Variants in KCNH1 observed in about 807,000 individuals in gnomAD.
KCNH1 encodes the protein potassium voltage-gated channel subfamily H member 1.
Under a neutral mutation model 69.2 loss-of-function variants are expected in KCNH1, and 27 were observed. The observed-to-expected ratio is 0.39, with a 90% confidence interval of 0.29 to 0.54. KCNH1 has a LOEUF of 0.54. Ranked by LOEUF, KCNH1 falls within the 20% of genes least tolerant of loss-of-function variation. The probability of loss-of-function intolerance (pLI) is 0.68; values close to 1 mark genes in which losing one functional copy is unlikely to be tolerated. For missense variants in KCNH1, 798 were observed against 1,261.6 expected, an observed-to-expected ratio of 0.63 and a Z score of 5.57; for synonymous variants, 456 against 487.7, an observed-to-expected ratio of 0.93 and a Z score of 0.86.
At chr1:210,793,955 T>C (rs1247333585) in intron 9 of KCNH1, among the ~76,000 whole-genome samples, 1 of 152,214 alleles carries the variant, frequency 6.6e-6, no homozygotes, top group African/African-American at 2.4e-5. Flanking sequence ...TTTGGTCCAC[T>C]GCTATATCCC....
chr1:210,984,427 T>A (rs1294971297), intron 6 of KCNH1, among the ~76,000 whole-genome samples: 1 of 152,226 alleles, frequency 6.6e-6, no homozygotes, highest in East Asian at 1.9e-4. Context: ...AGATAGCTCT[T>A]ATTATTTTGA....
At chr1:211,063,802 TA>T (rs1558588527) in intron 5 of KCNH1, 2 of 151,234 alleles carry the variant, frequency 1.3e-5, no homozygotes, top group African/African-American at 4.9e-5. Flanking sequence ...ATAGGAAGAA[TA>T]GATCCACTAT....
At chr1:211,023,807 A>T (rs988132754) in intron 5 of KCNH1, among the ~76,000 whole-genome samples, 1 of 152,166 alleles carries the variant, frequency 6.6e-6, no homozygotes, top group African/African-American at 2.4e-5. Context: ...TACACCCAAA[A>T]CATGCACATC....
intron 10 of KCNH1, among the ~76,000 whole-genome samples, chr1:210,725,542 G>A (rs1187083664): frequency 2.0e-5 from 3 of 152,148 alleles, no homozygotes; most frequent in African/African-American, 7.2e-5. Context: ...CTGGGGGTAG[G>A]GGGTGATCAG....
chr1:210,769,762 G>A (rs902413918), intron 10 of KCNH1, among the ~76,000 whole-genome samples: 1 of 152,132 alleles, frequency 6.6e-6, no homozygotes, highest in Admixed American at 6.5e-5. Context: ...CTAGGACCTG[G>A]GGAGTGAAAC....
intron 7 of KCNH1, among the ~76,000 whole-genome samples, chr1:210,887,505 G>T (rs1311869166): frequency 6.6e-6 from 1 of 151,998 alleles, no homozygotes; most frequent in Non-Finnish European, 1.5e-5. Context: ...AAAATAACCA[G>T]CTAGCATTAT....
At chr1:210,979,173 G>T (rs1688668002) in intron 6 of KCNH1, among the ~76,000 whole-genome samples, 1 of 152,142 alleles carries the variant, frequency 6.6e-6, no homozygotes, top group African/African-American at 2.4e-5. Flanking sequence ...AGTCCTCATA[G>T]CCTGCCTTGC....
intron 5 of KCNH1, among the ~76,000 whole-genome samples, chr1:211,052,282 T>C (rs943862715): frequency 5.3e-5 from 8 of 152,224 alleles, no homozygotes; most frequent in African/African-American, 1.7e-4. Flanking sequence ...AGGAAGGCCA[T>C]GCACTGGTTC....
chr1:211,102,319 C>A (rs550977834), intron 3 of KCNH1, among the ~76,000 whole-genome samples: 1 of 152,270 alleles, frequency 6.6e-6, no homozygotes, highest in African/African-American at 2.4e-5. Context: ...GAGAAAGCCA[C>A]GGTTGGTATG....
At chr1:210,859,087 T>G (rs1685918515) in intron 7 of KCNH1, 2 of 811,358 alleles carry the variant, frequency 2.5e-6, no homozygotes, top group Admixed American at 1.9e-5. Context: ...TAGTTTAGAA[T>G]AGATAACATG....
chr1:210,996,186 A>T (rs886579044), intron 6 of KCNH1, among the ~76,000 whole-genome samples: 1 of 152,204 alleles, frequency 6.6e-6, no homozygotes, highest in African/African-American at 2.4e-5. Context: ...AGGGTGAGGC[A>T]TCGCCTCACT....
intron 7 of KCNH1, among the ~76,000 whole-genome samples, chr1:210,851,633 A>T (rs576212715): frequency 6.6e-6 from 1 of 152,230 alleles, no homozygotes; most frequent in African/African-American, 2.4e-5. Context: ...TGAGCATCAT[A>T]GAGTATACTC....
At chr1:211,048,671 C>A (rs1016247588) in intron 5 of KCNH1, among the ~76,000 whole-genome samples, 1 of 152,052 alleles carries the variant, frequency 6.6e-6, no homozygotes, top group African/African-American at 2.4e-5. Context: ...GAGAATGATA[C>A]ATTGGACTTT....
At chr1:210,700,838 C>T (rs984084192) in intron 10 of KCNH1, among the ~76,000 whole-genome samples, 4 of 152,152 alleles carry the variant, frequency 2.6e-5, no homozygotes, top group African/African-American at 9.7e-5. Context: ...GTCTTTTAAT[C>T]ATTTTTTATG....
chr1:210,894,190 C>T (rs940195745), intron 7 of KCNH1, among the ~76,000 whole-genome samples: 3 of 152,092 alleles, frequency 2.0e-5, no homozygotes, highest in African/African-American at 4.8e-5. Flanking sequence ...TATTCCTACA[C>T]GTATTTTTGA....
chr1:210,716,431 C>CAAA lies in KCNH1; in HGVS notation c.2113-32296_2113-32294dup, dbSNP rs58725705. ...TGGGCGACAGAGCAAGACTCCGTCT[C>CAAA]AAAAAAAAAAAAAAAAAGCATGTTA... On this transcript the variant is annotated intron_variant, in intron 10 of 10. Coordinates refer to ENST00000271751, the MANE Select transcript of KCNH1 (RefSeq NM_172362.3). Among the ~76,000 whole-genome samples the CAAA allele has an allele frequency of 1.1e-4, 10 of 91,964 alleles. 1 individual carries two copies. Among genetic ancestry groups the CAAA allele is most frequent in the Admixed American group, 2.5e-4 (2 of 7,930 alleles). The allele number at this position is 91,964 out of a possible 152,430, so 60.3% of individuals were successfully genotyped here.
chr1:211,032,492 C>A (rs6689241), intron 5 of KCNH1, among the ~76,000 whole-genome samples: 2 of 151,910 alleles, frequency 1.3e-5, no homozygotes, highest in Non-Finnish European at 1.5e-5. Context: ...GGAGGCATCA[C>A]GCTACCTGAC....
At chr1:210,745,740 G>A (rs1683135685) in intron 10 of KCNH1, among the ~76,000 whole-genome samples, 1 of 150,326 alleles carries the variant, frequency 6.7e-6, no homozygotes, top group Admixed American at 6.6e-5. Context: ...GTGCCCAGTT[G>A]CTTTCTCTTC....
At chr1:211,037,104 C>T (rs1410375681) in intron 5 of KCNH1, among the ~76,000 whole-genome samples, 1 of 152,204 alleles carries the variant, frequency 6.6e-6, no homozygotes, top group African/African-American at 2.4e-5. Flanking sequence ...AGCATTTTTA[C>T]TTCCAAAAGT....
Sources: gnomAD v4.1 joint callset for allele counts (sites outside exome capture counted in the v4.1 genomes callset) on GRCh38, gnomAD v4.1.1 for gene constraint, MANE v1.5 for transcripts, NCBI Gene and HGNC (gene_info 2026-07-23, HGNC 2026-07-21) for gene names.